The following LARP4 variants were observed in gnomAD, a reference collection of about 807,000 sequenced individuals.
LARP4 encodes the protein la-related protein 4.
In LARP4, 29 loss-of-function variants were observed where a neutral mutation model predicts 92.9. That is an observed-to-expected ratio of 0.31 (90% CI 0.23 to 0.43). The LOEUF (loss-of-function observed/expected upper bound fraction) is 0.43, where lower values mean the gene tolerates loss of function less well. LARP4 is among the 20% of genes least tolerant of loss of function. The pLI is 1.00. For missense variants in LARP4, 732 were observed against 860.0 expected, an observed-to-expected ratio of 0.85 and a Z score of 1.86; for synonymous variants, 279 against 284.1, an observed-to-expected ratio of 0.98 and a Z score of 0.18.
intron 10 of LARP4, among the ~76,000 whole-genome samples, chr12:50,458,764 A>G (rs1954802421): frequency 6.6e-6 from 1 of 152,156 alleles, no homozygotes; most frequent in African/African-American, 2.4e-5. Flanking sequence ...ATATTAGTCA[A>G]CCTTAGCTTC....
intron 1 of LARP4, among the ~76,000 whole-genome samples, chr12:50,424,912 C>T (rs561253424): frequency 4.0e-5 from 6 of 151,778 alleles, no homozygotes; most frequent in African/African-American, 1.2e-4. Context: ...TTTGGGAGGC[C>T]GAGGTGGGTG....
intron 1 of LARP4, among the ~76,000 whole-genome samples, chr12:50,426,732 G>GGT (rs1565987428): frequency 5.6e-4 from 29 of 52,080 alleles, no homozygotes; most frequent in South Asian, 7.6e-4. Flanking sequence ...TGTGTGTGTG[G>GGT]TTTTTTTTTT....
chr12:50,470,740 C>G (rs1415185321), intron 13 of LARP4, among the ~76,000 whole-genome samples: 1 of 152,042 alleles, frequency 6.6e-6, no homozygotes, highest in African/African-American at 2.4e-5. Context: ...CCTTATAACC[C>G]CAACACACAA....
intron 1 of LARP4, among the ~76,000 whole-genome samples, chr12:50,424,703 C>T (rs1317198369): frequency 1.3e-5 from 2 of 152,046 alleles, no homozygotes; most frequent in Non-Finnish European, 2.9e-5. Context: ...GAATGTTTTA[C>T]CCCAATTTAC....
chr12:50,403,210 TA>T (rs1178430706), intron 1 of LARP4, among the ~76,000 whole-genome samples: 2 of 152,228 alleles, frequency 1.3e-5, no homozygotes, highest in East Asian at 3.8e-4. Context: ...CAAAGGTTCT[TA>T]ATCTAGGTTT....
In LARP4 at chr12:50,479,653, G is replaced by A. The variant is rs932701417; in HGVS notation, c.*3789G>A. On this transcript the variant is annotated 3_prime_UTR_variant, in exon 16 of 16. Coordinates refer to ENST00000398473, the MANE Select transcript of LARP4 (RefSeq NM_052879.5). Reference sequence around the variant, plus strand: ...CTTCGAGTTGACAGTTCCTAAAAGCGTAACTCAGATATTAATGGGCTGTGT... The same window carrying A: ...CTTCGAGTTGACAGTTCCTAAAAGCATAACTCAGATATTAATGGGCTGTGT... The A allele has an allele frequency of 3.4e-4, 52 of 152,124 alleles. No homozygotes were observed. Among genetic ancestry groups the A allele is most frequent in the African/African-American group, 8.5e-4 (35 of 41,416 alleles). 9.4% of individuals were successfully genotyped at this position (152,124 alleles called of 1,614,324 possible).
At position 50,441,663 on chromosome 12, in the gene LARP4, G is replaced by A. The variant is rs78254121; in HGVS notation, c.804+20G>A. On this transcript the variant is annotated intron_variant, in intron 8 of 15. Coordinates refer to ENST00000398473, the MANE Select transcript of LARP4 (RefSeq NM_052879.5). ...ATTATGGTAAGAAATAGAGATCAGTGTGAAACCAGAACAGGTTTTGGTTCT... is the reference window on the plus strand; with the variant it reads ...ATTATGGTAAGAAATAGAGATCAGTATGAAACCAGAACAGGTTTTGGTTCT... The A allele has an allele frequency of 3.2e-6, 5 of 1,562,840 alleles. No homozygotes were observed. The South Asian group carries it at 5.8e-5, about 18-fold the overall frequency.
At chr12:50,448,989 C>G (rs1051541540) in intron 8 of LARP4, among the ~76,000 whole-genome samples, 39 of 152,018 alleles carry the variant, frequency 2.6e-4, no homozygotes, top group Non-Finnish European at 5.9e-5. Flanking sequence ...GTGGCTCGTT[C>G]CTGTAATTCC....
intron 5 of LARP4, among the ~76,000 whole-genome samples, chr12:50,436,598 T>C (rs537217457): frequency 6.6e-6 from 1 of 152,360 alleles, no homozygotes; most frequent in South Asian, 2.1e-4. Context: ...GTTTGACAAA[T>C]ACTGCTCTGA....
intron 8 of LARP4, among the ~76,000 whole-genome samples, chr12:50,452,424 T>C (rs1307710703): frequency 1.3e-5 from 2 of 152,082 alleles, no homozygotes; most frequent in Non-Finnish European, 2.9e-5. Flanking sequence ...TCAAGTGCTT[T>C]GCCCGCCTCA....
At chr12:50,443,537 G>A (rs899310311) in intron 8 of LARP4, among the ~76,000 whole-genome samples, 5 of 152,132 alleles carry the variant, frequency 3.3e-5, no homozygotes, top group African/African-American at 1.2e-4. Context: ...AAAGTGCTGA[G>A]ATTACAGATG....
intron 1 of LARP4, among the ~76,000 whole-genome samples, chr12:50,411,468 C>T (rs1290388483): frequency 6.6e-6 from 1 of 151,570 alleles, no homozygotes; most frequent in African/African-American, 2.4e-5. Flanking sequence ...TCATGCCTCC[C>T]GAGTAGCTGT....
intron 1 of LARP4, among the ~76,000 whole-genome samples, chr12:50,421,111 A>C (rs923644725): frequency 7.7e-5 from 8 of 103,998 alleles, no homozygotes; most frequent in Non-Finnish European, 1.2e-4. Flanking sequence ...CACCACGTCC[A>C]GCTAATTTTT....
At chr12:50,424,146 A>T (rs1948346088) in intron 1 of LARP4, among the ~76,000 whole-genome samples, 2 of 152,272 alleles carry the variant, frequency 1.3e-5, no homozygotes, top group South Asian at 4.1e-4. Flanking sequence ...GGTTGAGAGG[A>T]TCTGTTGAGG....
chr12:50,413,397 T>TAC (rs1372002334), intron 1 of LARP4, among the ~76,000 whole-genome samples: 1 of 152,168 alleles, frequency 6.6e-6, no homozygotes, highest in Non-Finnish European at 1.5e-5. Context: ...ACAACTGAAA[T>TAC]ACACTGTAAA....
intron 12 of LARP4, among the ~76,000 whole-genome samples, chr12:50,464,505 C>T (rs543793898): frequency 7.9e-5 from 12 of 152,328 alleles, no homozygotes; most frequent in African/African-American, 2.9e-4. Context: ...AGTTCTCCTG[C>T]CTCAGCCTCC....
At chr12:50,448,900 A>G (rs1030577443) in intron 8 of LARP4, among the ~76,000 whole-genome samples, 2 of 152,224 alleles carry the variant, frequency 1.3e-5, no homozygotes, top group East Asian at 1.9e-4. Flanking sequence ...AACATTATCA[A>G]GTACCTAGTC....
chr12:50,431,349 G>GT (rs1244139670), intron 4 of LARP4, among the ~76,000 whole-genome samples: 1 of 152,096 alleles, frequency 6.6e-6, no homozygotes, highest in African/African-American at 2.4e-5. Context: ...TGCATTGGAT[G>GT]TTTTTTCTAT....
intron 10 of LARP4, chr12:50,454,713 T>C (rs1037643951): frequency 1.6e-5 from 4 of 250,156 alleles, no homozygotes; most frequent in Non-Finnish European, 2.3e-5. Context: ...AATTTCCATT[T>C]AGTATGTTAA....
Sources: allele counts gnomAD v4.1 joint callset (sites outside exome capture counted in the v4.1 genomes callset), GRCh38; gene constraint gnomAD v4.1.1; transcripts MANE v1.5; gene names NCBI Gene and HGNC (gene_info 2026-07-23, HGNC 2026-07-21).